The following WDR41 variants were observed in gnomAD, a reference collection of about 807,000 sequenced individuals.
WDR41 encodes WD repeat-containing protein 41.
Under a neutral mutation model 69.3 loss-of-function variants are expected in WDR41, and 63 were observed. The ratio of observed to expected loss-of-function variants is 0.91; its 90% CI spans 0.74 to 1.12. The LOEUF is 1.12. WDR41 is among the 50% of genes most tolerant of loss of function. The pLI is 0.00. For missense variants in WDR41, 543 were observed against 534.5 expected, an observed-to-expected ratio of 1.02 and a Z score of -0.16; for synonymous variants, 185 against 192.1, an observed-to-expected ratio of 0.96 and a Z score of 0.31.
At chr5:77,549,703 T>A (rs1305124959) in intron 1 of WDR41, among the ~76,000 whole-genome samples, 1 of 152,170 alleles carries the variant, frequency 6.6e-6, no homozygotes, top group Non-Finnish European at 1.5e-5. Flanking sequence ...CCCAAAGCAA[T>A]CTATAAATTC....
Position 77,433,225 on chromosome 5 carries a change from C to CAAAAT in WDR41, c.1285_1289dup (p.Trp431PhefsTer15). The CAAAAT allele has an allele frequency of 2.5e-6, 4 of 1,613,866 alleles. No individual in the cohort carries two copies. The highest frequency in any genetic ancestry group is 3.4e-6 in the Non-Finnish European group (4 of 1,179,908). Reference sequence around the variant, plus strand: ...CAGATTCTCGCTCTCCATTTTTCCACAAAATAATGAGATGATCAGCGGAGC... The same window carrying CAAAAT: ...CAGATTCTCGCTCTCCATTTTTCCACAAAATAAAATAATGAGATGATCAGCGGAGC... On this transcript the variant is annotated frameshift_variant, in exon 13 of 13. Coordinates refer to ENST00000296679, the MANE Select transcript of WDR41 (RefSeq NM_018268.4). LOFTEE classifies it high-confidence loss of function.
Position 77,609,866 on chromosome 5 carries a change from A to G in WDR41, c.42+10613T>C, listed in dbSNP as rs568258952. Among the ~76,000 whole-genome samples, 261 of 152,360 alleles carry G rather than the reference A, an allele frequency of 1.7e-3. 2 individuals are homozygous for G. The highest frequency in any genetic ancestry group is 3.4e-3 in the Middle Eastern group (1 of 294). On this transcript the variant is annotated intron_variant, in intron 1 of 5. Transcript: ENST00000509971. Reference sequence around the variant, plus strand: ...AGACAATCAAACTACTCTGAGCTACAGGAGGAAATTCAAACCAAAGGCAAA... The same window carrying G: ...AGACAATCAAACTACTCTGAGCTACGGGAGGAAATTCAAACCAAAGGCAAA...
chr5:77,442,019 T>A (rs1482539971), intron 8 of WDR41, among the ~76,000 whole-genome samples: 17 of 152,038 alleles, frequency 1.1e-4, no homozygotes, highest in Admixed American at 1.1e-3. Context: ...TCAGGAAATA[T>A]AAAACAGGAA....
chr5:77,487,833 A>G (rs1290609490), intron 2 of WDR41, among the ~76,000 whole-genome samples: 3 of 152,184 alleles, frequency 2.0e-5, no homozygotes, highest in African/African-American at 7.2e-5. Flanking sequence ...ATTGAGTTCA[A>G]TTATGTGACC....
At chr5:77,548,594 G>T (rs1162587796) in intron 1 of WDR41, among the ~76,000 whole-genome samples, 1 of 152,190 alleles carries the variant, frequency 6.6e-6, no homozygotes, top group Admixed American at 6.5e-5. Flanking sequence ...TCTTACTTCT[G>T]CTAGAATGGC....
intron 1 of WDR41, among the ~76,000 whole-genome samples, chr5:77,619,668 G>A (rs1744740606): frequency 6.6e-6 from 1 of 152,142 alleles, no homozygotes; most frequent in South Asian, 2.1e-4. Context: ...ACTCAGGGCA[G>A]GATATTACAC....
At chr5:77,494,160 C>A (rs564365763), upstream of WDR41, among the ~76,000 whole-genome samples, 21 of 151,926 alleles carry the variant, frequency 1.4e-4, no homozygotes, top group African/African-American at 5.1e-4. Context: ...ACAAAAATAC[C>A]TGTAAAATAT....
At chr5:77,460,482 C>T (rs1800006468) in intron 4 of WDR41, among the ~76,000 whole-genome samples, 1 of 152,108 alleles carries the variant, frequency 6.6e-6, no homozygotes. Context: ...ATTCAGTAAC[C>T]TGAGCTCCTA....
intron 4 of WDR41, among the ~76,000 whole-genome samples, chr5:77,459,352 A>G (rs1308715049): frequency 2.0e-5 from 3 of 152,186 alleles, no homozygotes; most frequent in South Asian, 2.1e-4. Context: ...TTACTATCAA[A>G]TTATTTGAAA....
At chr5:77,464,915 A>G in intron 2 of WDR41, 106 bp from the exon 3 acceptor site, 1 of 1,124,676 alleles carries the variant, frequency 8.9e-7, no homozygotes, top group Non-Finnish European at 1.3e-6. Context: ...AATATTAACG[A>G]AGATCAAGTT....
chr5:77,492,207 A>T lies in WDR41; in HGVS notation c.14T>A (p.Leu5Gln). The T allele has an allele frequency of 6.2e-7, 1 of 1,612,560 alleles. No homozygotes were observed. The highest frequency in any genetic ancestry group is 1.1e-5 in the South Asian group (1 of 90,722). ...CTGCGGTTCTCGGCCTCCCCCGATC[A>T]GCCATCGCAACATCCGGGCAGCGGC... is the stretch of plus-strand genomic sequence containing the variant. MLRW[L>Q]IGGGREPQGL... The change falls in exon 1 of 13, where the codon CTG (leucine) becomes CAG (glutamine). Residue 5 changes from leucine (L) to glutamine (Q), a missense_variant. Coordinates refer to ENST00000296679, the MANE Select transcript of WDR41 (RefSeq NM_018268.4).
At chr5:77,480,825 TAA>T (rs10559151) in intron 2 of WDR41, among the ~76,000 whole-genome samples, 62,363 of 145,354 alleles carry the variant, frequency 0.43, 13,311 homozygotes, top group African/African-American at 0.52. Context: ...AAAGTATAAT[TAA>T]AAAAAAAAAA....
intron 1 of WDR41, among the ~76,000 whole-genome samples, chr5:77,528,971 T>TGA (rs1371755604): frequency 1.3e-5 from 2 of 151,564 alleles, no homozygotes; most frequent in Non-Finnish European, 3.0e-5. Context: ...AAATGTAGAA[T>TGA]GAGATAAGAA....
chr5:77,492,328 A>G, upstream of WDR41: 1 of 1,440,974 alleles, frequency 6.9e-7, no homozygotes, highest in Non-Finnish European at 9.5e-7. Context: ...AGACGCTAAT[A>G]CTTCCCGCCC....
chr5:77,588,790 GT>G (rs1434665243), intron 1 of WDR41, among the ~76,000 whole-genome samples: 1 of 151,928 alleles, frequency 6.6e-6, no homozygotes, highest in Non-Finnish European at 1.5e-5. Context: ...GTGTGTTTTT[GT>G]TTTAAAAAAA....
intron 1 of WDR41, among the ~76,000 whole-genome samples, chr5:77,574,253 G>A (rs1464094027): frequency 6.6e-6 from 1 of 151,984 alleles, no homozygotes; most frequent in Non-Finnish European, 1.5e-5. Flanking sequence ...AGCCGAGATC[G>A]CACCACTGCA....
intron 1 of WDR41, among the ~76,000 whole-genome samples, chr5:77,612,177 G>A (rs935367816): frequency 3.9e-5 from 6 of 152,170 alleles, no homozygotes; most frequent in African/African-American, 7.2e-5. Flanking sequence ...AAGAGTCCAG[G>A]ACCAGATGGA....
chr5:77,463,287 A>G, intron 3 of WDR41, 61 bp from the exon 4 acceptor site: 2 of 1,494,586 alleles, frequency 1.3e-6, no homozygotes, highest in Non-Finnish European at 1.8e-6. Flanking sequence ...ATCATAAATG[A>G]CTACATTAAG....
rs183787941 is a variant in WDR41 at position 77,554,669 on chromosome 5, C to A, written c.43-65097G>T. 1.5e-3 allele frequency among the ~76,000 whole-genome samples: 231 copies of A among 150,798 alleles called. 3 individuals carry two copies. The highest frequency in any genetic ancestry group is 5.4e-3 in the African/African-American group (222 of 41,208). On this transcript the variant is annotated intron_variant, in intron 1 of 5. Transcript: ENST00000509971. ...ATTTATAACTTATTTAGTATAATTT[C>A]TGTTGTTTATGAGTTTATAGTATTT...
Sources: allele counts gnomAD v4.1 joint callset (sites outside exome capture counted in the v4.1 genomes callset), GRCh38; gene constraint gnomAD v4.1.1; transcripts MANE v1.5; gene names NCBI Gene and HGNC (gene_info 2026-07-23, HGNC 2026-07-21).